RANBP9: variants seen among roughly 807,000 people sequenced by gnomAD.
RANBP9 encodes the protein RAN binding protein 9, also known as ran-binding protein 9.
Under a neutral mutation model 84.3 loss-of-function variants are expected in RANBP9, and 15 were observed. The observed-to-expected ratio is 0.18, with a 90% CI of 0.12 to 0.27. The LOEUF (loss-of-function observed/expected upper bound fraction) is 0.27, where lower values mean the gene tolerates loss of function less well. Ranked by LOEUF, RANBP9 falls within the 10% of genes least tolerant of loss-of-function variation. The pLI is 1.00. For missense variants in RANBP9, 809 were observed against 912.8 expected (o/e 0.89, Z 1.46); for synonymous variants, 392 against 349.6 (o/e 1.12, Z -1.35).
At position 13,711,582 on chromosome 6, in the gene RANBP9, G is replaced by A. The variant is rs1291621175; in HGVS notation, c.-77C>T. On this transcript the variant is annotated 5_prime_UTR_variant, in exon 1 of 14. Transcript: ENST00000011619. ...TCTGCTTCCCGGGGGCGCTGTCGCT[G>A]CGGCCGCCGGCACCAGGCGCCCAGT... 1.7e-6 allele frequency: 2 copies of A among 1,199,972 alleles called. No homozygotes were observed. Among genetic ancestry groups the A allele is most frequent in the South Asian group, 3.7e-5 (1 of 26,966 alleles). The allele number at this position is 1,199,972 out of a possible 1,614,324, so 74.3% of individuals were successfully genotyped here. A position where few individuals can be genotyped will look rare whatever the true frequency, so the allele number is the denominator to read the frequency against.
At chr6:13,705,847 C>T (rs779919065) in intron 1 of RANBP9, among the ~76,000 whole-genome samples, 1 of 110,500 alleles carries the variant, frequency 9.0e-6, no homozygotes, top group Non-Finnish European at 1.8e-5. Context: ...TGGGCCTGGG[C>T]GACAGAGCAA....
In RANBP9 at chr6:13,653,940, T is replaced by C. The variant is rs565417488; in HGVS notation, c.905-1259A>G. Among the ~76,000 whole-genome samples, 210 of 152,144 alleles carry C rather than the reference T, an allele frequency of 1.4e-3. 1 individual carries two copies. Among genetic ancestry groups the C allele is most frequent in the African/African-American group, 4.8e-3 (199 of 41,556 alleles). ...CCCAAATAAAAAACTTTCCCAAAAA[T>C]TTCACAAAAGTAAAAAGAATACAGA... On this transcript the variant is annotated intron_variant, in intron 4 of 13. Transcript: ENST00000011619.
At chr6:13,646,728 A>C (rs1765182348) in intron 5 of RANBP9, among the ~76,000 whole-genome samples, 1 of 152,198 alleles carries the variant, frequency 6.6e-6, no homozygotes, top group Non-Finnish European at 1.5e-5. Flanking sequence ...CATGCCACAA[A>C]TGGCAAAGAC....
intron 1 of RANBP9, among the ~76,000 whole-genome samples, chr6:13,699,940 A>G (rs1424196667): frequency 6.6e-6 from 1 of 152,200 alleles, no homozygotes; most frequent in East Asian, 1.9e-4. Context: ...AACTTGTAAT[A>G]TCAGCAGCAA....
intron 1 of RANBP9, among the ~76,000 whole-genome samples, chr6:13,705,340 G>C (rs1245322737): frequency 7.5e-6 from 1 of 133,330 alleles, no homozygotes; most frequent in Non-Finnish European, 1.6e-5. Context: ...GGAGATGGAG[G>C]TTGCAGTGAG....
At position 13,653,443 on chromosome 6, in the gene RANBP9, T is replaced by C. The variant is rs7769532; in HGVS notation, c.905-762A>G. Among the ~76,000 whole-genome samples, 508 of 152,308 alleles carry C rather than the reference T, an allele frequency of 3.3e-3. 2 individuals carry two copies. Among genetic ancestry groups the C allele is most frequent in the African/African-American group, 0.012 (494 of 41,578 alleles). The stretch of plus-strand genomic sequence containing the variant: ...GAAAATAATAAAGTATTTCTGTAGA[T>C]ATATTTTTAAAGATTTAGCTCTAGA... On this transcript the variant is annotated intron_variant, in intron 4 of 13. Coordinates refer to ENST00000011619, the MANE Select transcript of RANBP9 (RefSeq NM_005493.3).
intron 2 of RANBP9, among the ~76,000 whole-genome samples, chr6:13,691,311 A>T (rs984589791): frequency 2.0e-5 from 3 of 152,168 alleles, no homozygotes; most frequent in Non-Finnish European, 4.4e-5. Context: ...ACTTAGGTTC[A>T]GTTTAAATGA....
intron 1 of RANBP9, among the ~76,000 whole-genome samples, chr6:13,708,585 G>GTAAAA (rs1758189086): frequency 6.6e-6 from 1 of 152,158 alleles, no homozygotes; most frequent in Admixed American, 6.5e-5. Context: ...GTGAATATAT[G>GTAAAA]AATAGTAGTT....
intron 12 of RANBP9, among the ~76,000 whole-genome samples, chr6:13,626,540 C>CAGTATCA (rs1210444183): frequency 6.6e-6 from 1 of 152,158 alleles, no homozygotes; most frequent in African/African-American, 2.4e-5. Flanking sequence ...ATGAAATTAG[C>CAGTATCA]AGTATCAGTT....
intron 1 of RANBP9, among the ~76,000 whole-genome samples, chr6:13,697,150 G>A (rs1757852857): frequency 6.6e-6 from 1 of 152,106 alleles, no homozygotes; most frequent in African/African-American, 2.4e-5. Context: ...ATTGAACCTA[G>A]CAGCCTTTTA....
At chr6:13,708,110 T>C (rs1190953957) in intron 1 of RANBP9, among the ~76,000 whole-genome samples, 2 of 152,236 alleles carry the variant, frequency 1.3e-5, no homozygotes, top group Non-Finnish European at 2.9e-5. Flanking sequence ...GTAATTTCAA[T>C]TTAGAAGAAC....
At chr6:13,683,443 A>T (rs1304751026) in intron 2 of RANBP9, among the ~76,000 whole-genome samples, 1 of 152,226 alleles carries the variant, frequency 6.6e-6, no homozygotes, top group Non-Finnish European at 1.5e-5. Context: ...CATTAAAATG[A>T]AATTTTCTTC....
At chr6:13,622,960 CAT>C (rs905700772) in intron 13 of RANBP9, among the ~76,000 whole-genome samples, 2 of 152,142 alleles carry the variant, frequency 1.3e-5, no homozygotes, top group Non-Finnish European at 2.9e-5. Flanking sequence ...ATCTCCAAGG[CAT>C]ATATAGGTAA....
rs149991980 is a variant in RANBP9 at position 13,667,523 on chromosome 6, G to A, written c.684-8691C>T. Among the ~76,000 whole-genome samples the A allele has an allele frequency of 1.1e-3, 174 of 152,256 alleles. 2 individuals carry two copies. Among genetic ancestry groups the A allele is most frequent in the African/African-American group, 3.7e-3 (152 of 41,558 alleles). On this transcript the variant is annotated intron_variant, in intron 2 of 13. Transcript: ENST00000011619. Reference sequence around the variant, plus strand: ...CAAATGTTTCGGTCAACAACAGACCGCATGTACAACAATAGTCCTATAAGA... The same window carrying A: ...CAAATGTTTCGGTCAACAACAGACCACATGTACAACAATAGTCCTATAAGA...
At chr6:13,629,041 A>G (rs1764702036) in intron 12 of RANBP9, among the ~76,000 whole-genome samples, 1 of 152,248 alleles carries the variant, frequency 6.6e-6, no homozygotes, top group African/African-American at 2.4e-5. Context: ...TCTGACATAA[A>G]AGCAAATGGA....
intron 2 of RANBP9, among the ~76,000 whole-genome samples, chr6:13,668,355 C>T (rs1028454868): frequency 2.0e-5 from 3 of 152,000 alleles, no homozygotes; most frequent in African/African-American, 4.8e-5. Context: ...GCTAGAAATA[C>T]TTCCTAACTC....
chr6:13,681,407 A>T (rs1766034187), intron 2 of RANBP9, among the ~76,000 whole-genome samples: 2 of 152,200 alleles, frequency 1.3e-5, no homozygotes. Flanking sequence ...CACATTAATC[A>T]ATAATACATT....
intron 10 of RANBP9, among the ~76,000 whole-genome samples, chr6:13,636,881 C>A (rs1281091805): frequency 6.6e-6 from 1 of 152,072 alleles, no homozygotes. Flanking sequence ...ACATACAATC[C>A]TTTCTGCAAA....
chr6:13,699,559 GT>G (rs1367033840), intron 1 of RANBP9, among the ~76,000 whole-genome samples: 1 of 152,104 alleles, frequency 6.6e-6, no homozygotes, highest in African/African-American at 2.4e-5. Flanking sequence ...AATCTAAAAT[GT>G]TTCATTGGGC....
Sources: allele counts gnomAD v4.1 joint callset (sites outside exome capture counted in the v4.1 genomes callset), GRCh38; gene constraint gnomAD v4.1.1; transcripts MANE v1.5; gene names NCBI Gene and HGNC (gene_info 2026-07-23, HGNC 2026-07-21).